The following EML6 variants were observed in gnomAD, a reference collection of about 807,000 sequenced individuals.
EML6 encodes the protein echinoderm microtubule-associated protein-like 6.
A neutral mutation model predicts 240.1 loss-of-function variants in EML6; 154 were observed. That is an observed-to-expected ratio of 0.64 (90% CI 0.56 to 0.73). The LOEUF (loss-of-function observed/expected upper bound fraction) is 0.73, where lower values mean the gene tolerates loss of function less well. Ranked by LOEUF, EML6 falls within the 30% of genes least tolerant of loss-of-function variation. The pLI, the probability that EML6 is intolerant of heterozygous loss-of-function variation, is 0.00. For synonymous variants in EML6, 1,148 were observed against 899.0 expected, an observed-to-expected ratio of 1.28 and a Z score of -4.95; for missense variants, 2,964 against 2,474.6, an observed-to-expected ratio of 1.20 and a Z score of -4.20.
intron 2 of EML6, among the ~76,000 whole-genome samples, chr2:54,804,729 C>T (rs1670376036): frequency 6.6e-6 from 1 of 152,222 alleles, no homozygotes; most frequent in Non-Finnish European, 1.5e-5. Context: ...CTGCTCTAGT[C>T]TTTCCTATCT....
intron 26 of EML6, among the ~76,000 whole-genome samples, chr2:54,917,165 C>T (rs183439130): frequency 3.8e-4 from 58 of 152,286 alleles, no homozygotes; most frequent in African/African-American, 1.2e-3. Context: ...CCAAATCCAA[C>T]ATCTCACAAA....
intron 28 of EML6, among the ~76,000 whole-genome samples, chr2:54,948,410 G>A (rs1675798742): frequency 6.6e-6 from 1 of 152,126 alleles, no homozygotes; most frequent in Non-Finnish European, 1.5e-5. Context: ...CCTTTCCGCA[G>A]CCTGGCTTGT....
At chr2:54,854,381 C>G (rs1265253231) in intron 11 of EML6, among the ~76,000 whole-genome samples, 1 of 151,964 alleles carries the variant, frequency 6.6e-6, no homozygotes, top group South Asian at 2.1e-4. Context: ...ACCCTCTTTG[C>G]CCTCATGTTT....
chr2:54,741,514 T>C (rs546674120), intron 2 of EML6, among the ~76,000 whole-genome samples: 1 of 152,138 alleles, frequency 6.6e-6, no homozygotes, highest in South Asian at 2.1e-4. Flanking sequence ...CAGTGACACA[T>C]CAGCACCAGA....
intron 5 of EML6, among the ~76,000 whole-genome samples, chr2:54,825,758 C>A (rs981847275): frequency 6.6e-6 from 1 of 152,180 alleles, no homozygotes; most frequent in African/African-American, 2.4e-5. Flanking sequence ...AGCCCCCCAC[C>A]CCCAGCTGCC....
intron 16 of EML6, among the ~76,000 whole-genome samples, chr2:54,872,397 T>G (rs1671301960): frequency 6.6e-6 from 1 of 152,174 alleles, no homozygotes; most frequent in African/African-American, 2.4e-5. Flanking sequence ...GTAATATTAT[T>G]AAATTCCATG....
At chr2:54,806,082 CA>C (rs1218841524) in intron 2 of EML6, among the ~76,000 whole-genome samples, 3 of 151,932 alleles carry the variant, frequency 2.0e-5, no homozygotes, top group Non-Finnish European at 4.4e-5. Context: ...CTTTTGTTAA[CA>C]TTTTTTCTGA....
At chr2:54,771,414 G>C (rs923616252) in intron 2 of EML6, among the ~76,000 whole-genome samples, 2 of 152,190 alleles carry the variant, frequency 1.3e-5, no homozygotes, top group Admixed American at 6.5e-5. Flanking sequence ...CACCGTGTCA[G>C]CAGTTATTCA....
chr2:54,739,236 A>T (rs762973936), intron 2 of EML6, among the ~76,000 whole-genome samples: 5 of 152,240 alleles, frequency 3.3e-5, no homozygotes, highest in Admixed American at 1.3e-4. Context: ...AGTAGTTCTT[A>T]TAATTACTAT....
intron 2 of EML6, among the ~76,000 whole-genome samples, chr2:54,759,012 A>G (rs1667862245): frequency 6.6e-6 from 1 of 151,930 alleles, no homozygotes; most frequent in Non-Finnish European, 1.5e-5. Context: ...AAAACAAAAA[A>G]TAGGGATGGA....
At chr2:54,741,676 C>T (rs1683639465) in intron 2 of EML6, among the ~76,000 whole-genome samples, 2 of 152,128 alleles carry the variant, frequency 1.3e-5, no homozygotes, top group South Asian at 4.1e-4. Context: ...TATAGCAGTG[C>T]TTAAAGAATA....
intron 2 of EML6, among the ~76,000 whole-genome samples, chr2:54,784,639 C>T (rs1428114766): frequency 6.6e-6 from 1 of 152,156 alleles, no homozygotes; most frequent in Non-Finnish European, 1.5e-5. Context: ...TTACCAATAA[C>T]AGAAACAGTC....
In EML6 at chr2:54,760,998, A is replaced by G. The variant is rs143704580; in HGVS notation, c.197+35740A>G. Among the ~76,000 whole-genome samples, 251 of 152,208 alleles carry G rather than the reference A, an allele frequency of 1.6e-3. 1 individual carries two copies. The highest frequency in any genetic ancestry group is 5.8e-3 in the African/African-American group (239 of 41,530). On this transcript the variant is annotated intron_variant, in intron 2 of 41. Transcript: ENST00000356458. ...CTGGGAAGTACTGAGTTTGGTAATC[A>G]GTATCTTTGAGGTTTATGCTAGTGA...
chr2:54,820,005 G>C (rs1247304123), intron 4 of EML6, among the ~76,000 whole-genome samples: 2 of 152,172 alleles, frequency 1.3e-5, no homozygotes, highest in African/African-American at 4.8e-5. Context: ...TCCTAGCTAA[G>C]AAGCATTTTA....
In EML6 at chr2:54,962,525, A is replaced by G. The variant is rs780503844; in HGVS notation, c.4971A>G (p.Gly1657=). ...ECVRSVCRGK[G]KILVGTKDGE... is the part of the protein sequence containing the mutation. Reference sequence around the variant, plus strand: ...TAATAGTGTTTCAATTACAACAGGGAAAAATCTTAGTGGGAACCAAAGACG... The same window carrying G: ...TAATAGTGTTTCAATTACAACAGGGGAAAATCTTAGTGGGAACCAAAGACG... The change falls in exon 36 of 42, where the codon GGA becomes GGG. Residue 1657 remains glycine, a splice_region_variant and synonymous_variant. Coordinates refer to ENST00000356458, the MANE Select transcript of EML6 (RefSeq NM_001039753.4). 4 of 1,542,368 alleles carry G rather than the reference A, an allele frequency of 2.6e-6. No individual in the cohort carries two copies. The highest frequency in any genetic ancestry group is 2.7e-5 in the African/African-American group (2 of 72,786).
At chr2:54,778,409 G>T (rs985264995) in intron 2 of EML6, among the ~76,000 whole-genome samples, 1 of 152,066 alleles carries the variant, frequency 6.6e-6, no homozygotes, top group Non-Finnish European at 1.5e-5. Context: ...GGAGAAAGTT[G>T]TACCCCCCTC....
intron 2 of EML6, among the ~76,000 whole-genome samples, chr2:54,784,910 C>T (rs1208107750): frequency 6.6e-6 from 1 of 152,188 alleles, no homozygotes; most frequent in African/African-American, 2.4e-5. Flanking sequence ...AGTACATCAT[C>T]TGTTTACAGG....
At chr2:54,882,326 G>C (rs569942264) in intron 17 of EML6, 3 of 134,418 alleles carry the variant, frequency 2.2e-5, no homozygotes, top group East Asian at 4.2e-4. Flanking sequence ...TAGTATACAA[G>C]TATCCCATTT....
intron 2 of EML6, among the ~76,000 whole-genome samples, chr2:54,740,826 C>G (rs1558518257): frequency 6.6e-6 from 1 of 151,814 alleles, no homozygotes; most frequent in Non-Finnish European, 1.5e-5. Context: ...TTTGACTGGC[C>G]CTGTTTGTGT....
Sources: gnomAD v4.1 joint callset for allele counts (sites outside exome capture counted in the v4.1 genomes callset) on GRCh38, gnomAD v4.1.1 for gene constraint, MANE v1.5 for transcripts, NCBI Gene and HGNC (gene_info 2026-07-23, HGNC 2026-07-21) for gene names.